RNF168: variants seen among roughly 807,000 people sequenced by gnomAD.
The protein encoded by RNF168 is ring finger protein 168.
RNF168 carries 34 observed loss-of-function variants against 34.9 expected under a neutral mutation model. The ratio of observed to expected loss-of-function variants is 0.97; its 90% CI spans 0.74 to 1.30. RNF168 has a LOEUF of 1.30. Ranked by LOEUF, RNF168 falls within the 50% of genes most tolerant of loss-of-function variation. RNF168 has a pLI of 0.00. For missense variants in RNF168, 725 were observed against 682.5 expected, an observed-to-expected ratio of 1.06 and a Z score of -0.69; for synonymous variants, 264 against 254.7, an observed-to-expected ratio of 1.04 and a Z score of -0.35.
chr3:196,500,083 A>G (rs1732842718), intron 1 of RNF168, among the ~76,000 whole-genome samples: 2 of 152,214 alleles, frequency 1.3e-5, no homozygotes, highest in African/African-American at 4.8e-5. Context: ...TCACTGTGGA[A>G]AACAGTATGG....
intron 3 of RNF168, among the ~76,000 whole-genome samples, chr3:196,484,143 G>A (rs1381539861): frequency 2.7e-5 from 4 of 149,154 alleles, no homozygotes; most frequent in African/African-American, 9.9e-5. Context: ...AACCTCATTA[G>A]CTGATAATTC....
intron 1 of RNF168, among the ~76,000 whole-genome samples, chr3:196,496,342 A>G (rs933452948): frequency 6.6e-6 from 1 of 152,176 alleles, no homozygotes; most frequent in Non-Finnish European, 1.5e-5. Flanking sequence ...TGCTTCTGAC[A>G]GTATGCTGAT....
At chr3:196,494,782 C>A (rs569848715) in intron 1 of RNF168, among the ~76,000 whole-genome samples, 5 of 152,012 alleles carry the variant, frequency 3.3e-5, no homozygotes, top group Non-Finnish European at 5.9e-5. Flanking sequence ...CAGCACTTTG[C>A]GAGGATGAGG....
At position 196,492,316 on chromosome 3, in the gene RNF168, T is replaced by G. The variant is rs142492837; in HGVS notation, c.302-3633A>C. ...GCTATCAAGACCAGCCTGGGCAACATAGCAAGACCCCATCTTTGTTCAAAA... is the reference window on the plus strand; with the variant it reads ...GCTATCAAGACCAGCCTGGGCAACAGAGCAAGACCCCATCTTTGTTCAAAA... On this transcript the variant is annotated intron_variant, in intron 1 of 5. Transcript: ENST00000318037. Among the ~76,000 whole-genome samples the G allele has an allele frequency of 5.8e-3, 880 of 150,632 alleles. 15 individuals carry two copies. Among genetic ancestry groups the G allele is most frequent in the African/African-American group, 0.021 (842 of 40,870 alleles).
chr3:196,502,989 G>A lies in RNF168; in HGVS notation c.185C>T (p.Thr62Ile). 1.2e-6 allele frequency: 2 copies of A among 1,614,028 alleles called. No homozygotes were observed. Among genetic ancestry groups the A allele is most frequent in the East Asian group, 2.2e-5 (1 of 44,870 alleles). Residue 62 changes from threonine (T) to isoleucine (I), a missense_variant, in exon 1 of 6, where the codon ACT (threonine) becomes ATT (isoleucine). Coordinates refer to ENST00000318037, the MANE Select transcript of RNF168 (RefSeq NM_152617.4). ...PFCRRRVSSW[T>I]RYHTRRNSLV... ...AGAATTTCTTCGGGTATGGTACCGAGTCCACGACGATACCCGGCGGCGACA... is the reference window on the plus strand; with the variant it reads ...AGAATTTCTTCGGGTATGGTACCGAATCCACGACGATACCCGGCGGCGACA...
At chr3:196,485,292 G>A (rs928378128) in intron 3 of RNF168, among the ~76,000 whole-genome samples, 4 of 152,114 alleles carry the variant, frequency 2.6e-5, no homozygotes, top group Admixed American at 1.3e-4. Flanking sequence ...TGGATCACAT[G>A]AGGCCAGGAG....
intron 1 of RNF168, among the ~76,000 whole-genome samples, chr3:196,496,779 G>A (rs1389405624): frequency 6.6e-6 from 1 of 152,170 alleles, no homozygotes; most frequent in African/African-American, 2.4e-5. Context: ...TGAGACGGGA[G>A]GACTGCTTGA....
In RNF168 at chr3:196,503,596, C is replaced by T. The variant is rs1049085049; in HGVS notation, c.-423G>A. ...CGGGACGCGGCTCCGGGAGGAAGCCCGGGCTCCGGCTGCAGCATAACTTCC... is the reference window on the plus strand; with the variant it reads ...CGGGACGCGGCTCCGGGAGGAAGCCTGGGCTCCGGCTGCAGCATAACTTCC... On this transcript the variant is annotated 5_prime_UTR_variant, in exon 1 of 6. Transcript: ENST00000318037. 2 of 232,698 alleles carry T rather than the reference C, an allele frequency of 8.6e-6. No homozygotes were observed. Among genetic ancestry groups the T allele is most frequent in the African/African-American group, 4.6e-5 (2 of 43,090 alleles). 14.4% of individuals were successfully genotyped at this position (232,698 alleles called of 1,614,324 possible). A position where few individuals can be genotyped will look rare whatever the true frequency, so the allele number is the denominator to read the frequency against.
At chr3:196,493,122 T>C (rs1040045060) in intron 1 of RNF168, among the ~76,000 whole-genome samples, 2 of 152,124 alleles carry the variant, frequency 1.3e-5, no homozygotes, top group African/African-American at 4.8e-5. Context: ...ACCAGAGAAT[T>C]AGTGTCCAGA....
intron 1 of RNF168, among the ~76,000 whole-genome samples, chr3:196,499,961 C>T (rs1732839730): frequency 6.6e-6 from 1 of 152,184 alleles, no homozygotes; most frequent in East Asian, 1.9e-4. Flanking sequence ...GGGATACCAC[C>T]TCATACTCAC....
At chr3:196,479,376 C>T (rs1732233994) in intron 4 of RNF168, among the ~76,000 whole-genome samples, 1 of 152,044 alleles carries the variant, frequency 6.6e-6, no homozygotes, top group South Asian at 2.1e-4. Context: ...ACCATCATAG[C>T]TCACGGCAGC....
intron 1 of RNF168, among the ~76,000 whole-genome samples, chr3:196,502,587 C>CAA (rs1170053741): frequency 1.2e-4 from 15 of 120,934 alleles, no homozygotes; most frequent in African/African-American, 3.0e-4. Flanking sequence ...GATCCTGTCT[C>CAA]AAAAAAAAAA....
In RNF168 at chr3:196,482,267, C is replaced by T. The variant is rs182407413; in HGVS notation, c.680+1503G>A. On this transcript the variant is annotated intron_variant, in intron 4 of 5. Coordinates refer to ENST00000318037, the MANE Select transcript of RNF168 (RefSeq NM_152617.4). ...TTTCTTAATTTTAAAACTATATAAT[C>T]CTGTTATTCATTTTTAAACTTTTGA... is the stretch of plus-strand genomic sequence containing the variant. Among the ~76,000 whole-genome samples the T allele has an allele frequency of 5.9e-3, 904 of 152,248 alleles. 10 individuals are homozygous for T. The highest frequency in any genetic ancestry group is 0.02 in the African/African-American group (849 of 41,536).
At chr3:196,474,709 A>G in intron 5 of RNF168, 1 of 158,120 alleles carries the variant, frequency 6.3e-6, no homozygotes, top group Non-Finnish European at 1.4e-5. Context: ...CAGTCTCCCA[A>G]AGTGCTGGGA....
chr3:196,471,551 T>G lies in RNF168; in HGVS notation c.*268A>C. 2.6e-6 allele frequency: 1 copy of G among 381,492 alleles called. No individual in the cohort carries two copies. Among genetic ancestry groups the G allele is most frequent in the South Asian group, 3.6e-5 (1 of 27,736 alleles). 23.6% of individuals were successfully genotyped at this position (381,492 alleles called of 1,614,324 possible). A position where few individuals can be genotyped will look rare whatever the true frequency, so the allele number is the denominator to read the frequency against. On this transcript the variant is annotated 3_prime_UTR_variant, in exon 6 of 6. Transcript: ENST00000318037. ...AATGGCACTTGAAGATTTCCTGGAGTTGGCCAAAGCTTAAGATATCTCTAA... is the reference window on the plus strand; with the variant it reads ...AATGGCACTTGAAGATTTCCTGGAGGTGGCCAAAGCTTAAGATATCTCTAA...
At chr3:196,494,871 A>C (rs965854605) in intron 1 of RNF168, among the ~76,000 whole-genome samples, 5 of 152,066 alleles carry the variant, frequency 3.3e-5, no homozygotes, top group African/African-American at 1.2e-4. Context: ...AAAAATAAAA[A>C]AATTAGCCTG....
At chr3:196,497,726 GAAGGTAGCTA>G (rs1732780027) in intron 1 of RNF168, among the ~76,000 whole-genome samples, 1 of 151,992 alleles carries the variant, frequency 6.6e-6, no homozygotes, top group African/African-American at 2.4e-5. Flanking sequence ...ATCTTAGCCT[GAAGGTAGCTA>G]AAGGTTTCTT....
chr3:196,481,682 G>GTT lies in RNF168; in HGVS notation c.680+2086_680+2087dup, dbSNP rs34739638. Among the ~76,000 whole-genome samples, 89 of 62,392 alleles carry GTT rather than the reference G, an allele frequency of 1.4e-3. 14 individuals are homozygous for GTT. Among genetic ancestry groups the GTT allele is most frequent in the African/African-American group, 4.2e-3 (67 of 15,910 alleles). The allele number at this position is 62,392 out of a possible 152,430, so 40.9% of individuals were successfully genotyped here. A position where few individuals can be genotyped will look rare whatever the true frequency, so the allele number is the denominator to read the frequency against. On this transcript the variant is annotated intron_variant, in intron 4 of 5. Transcript: ENST00000318037. Reference sequence around the variant, plus strand: ...TCTTTTTAAATACGTTTTCAGCTGCGTTTTTTTTTTTTTTTTTTTTTTTTT... The same window carrying GTT: ...TCTTTTTAAATACGTTTTCAGCTGCGTTTTTTTTTTTTTTTTTTTTTTTTTTT...
chr3:196,497,297 A>C (rs949890612), intron 1 of RNF168, among the ~76,000 whole-genome samples: 1 of 152,222 alleles, frequency 6.6e-6, no homozygotes. Flanking sequence ...ACTGATACCC[A>C]TATGGGAAAA....
Sources: gnomAD v4.1 joint callset for allele counts (sites outside exome capture counted in the v4.1 genomes callset) on GRCh38, gnomAD v4.1.1 for gene constraint, MANE v1.5 for transcripts, NCBI Gene and HGNC (gene_info 2026-07-23, HGNC 2026-07-21) for gene names.